The following CCSER1 variants were observed in gnomAD, a reference collection of about 807,000 sequenced individuals.
CCSER1 encodes the protein serine-rich coiled-coil domain-containing protein 1.
A neutral mutation model predicts 82.0 loss-of-function variants in CCSER1; 41 were observed. The ratio of observed to expected loss-of-function variants is 0.50; its 90% CI spans 0.39 to 0.65. CCSER1 has a LOEUF of 0.65. Ranked by LOEUF, CCSER1 falls within the 30% of genes least tolerant of loss-of-function variation. CCSER1 has a pLI of 0.00. For synonymous variants in CCSER1, 414 were observed against 383.9 expected (o/e 1.08, Z -0.92); for missense variants, 1,119 against 1,064.2 (o/e 1.05, Z -0.72).
chr4:91,432,234 T>C (rs1336600788), intron 10 of CCSER1, among the ~76,000 whole-genome samples: 1 of 152,174 alleles, frequency 6.6e-6, no homozygotes, highest in African/African-American at 2.4e-5. Context: ...TTAAACCTCT[T>C]TTCTCTATAG....
chr4:91,538,445 A>G (rs1037119677), intron 10 of CCSER1, among the ~76,000 whole-genome samples: 1 of 151,598 alleles, frequency 6.6e-6, no homozygotes, highest in African/African-American at 2.4e-5. Context: ...CAAAAAAATA[A>G]AAAACAGCAT....
At chr4:90,355,895 T>G (rs1744296411) in intron 3 of CCSER1, among the ~76,000 whole-genome samples, 1 of 151,912 alleles carries the variant, frequency 6.6e-6, no homozygotes. Flanking sequence ...ATATAAATTA[T>G]CCCCTTGCCA....
chr4:91,177,213 C>T (rs887030879), intron 10 of CCSER1, among the ~76,000 whole-genome samples: 27 of 152,236 alleles, frequency 1.8e-4, no homozygotes, highest in African/African-American at 5.1e-4. Flanking sequence ...CTGCTGGATT[C>T]GGTTTGCCAG....
intron 10 of CCSER1, among the ~76,000 whole-genome samples, chr4:91,440,731 A>C (rs965284247): frequency 6.6e-5 from 10 of 152,212 alleles, no homozygotes; most frequent in African/African-American, 2.4e-4. Flanking sequence ...AGCAAGACTA[A>C]TAAAGAAGAA....
chr4:91,516,079 A>G (rs901655477), intron 10 of CCSER1, among the ~76,000 whole-genome samples: 2 of 151,902 alleles, frequency 1.3e-5, no homozygotes. Context: ...TTGTAAATTT[A>G]TATATATTCC....
At chr4:91,406,352 T>C (rs1391894257) in intron 10 of CCSER1, among the ~76,000 whole-genome samples, 1 of 152,338 alleles carries the variant, frequency 6.6e-6, no homozygotes, top group East Asian at 1.9e-4. Flanking sequence ...AAGCTTATAC[T>C]GTTTCCAGTA....
At chr4:90,293,597 TAAAA>T (rs965430347) in intron 1 of CCSER1, among the ~76,000 whole-genome samples, 25 of 150,530 alleles carry the variant, frequency 1.7e-4, no homozygotes, top group African/African-American at 5.8e-4. Flanking sequence ...TTTTATAAAA[TAAAA>T]AAAGAAAATA....
chr4:90,902,335 A>G (rs963309410), intron 8 of CCSER1, among the ~76,000 whole-genome samples: 2 of 152,034 alleles, frequency 1.3e-5, no homozygotes, highest in Non-Finnish European at 2.9e-5. Context: ...GATAGCTAGT[A>G]TGATCCTTTG....
At chr4:91,159,737 T>G (rs1488051099) in intron 10 of CCSER1, among the ~76,000 whole-genome samples, 1 of 151,936 alleles carries the variant, frequency 6.6e-6, no homozygotes, top group East Asian at 1.9e-4. Context: ...TGTGTGAATA[T>G]AAACAGAATT....
intron 6 of CCSER1, among the ~76,000 whole-genome samples, chr4:90,721,770 T>C (rs1038842239): frequency 6.6e-5 from 10 of 151,566 alleles, no homozygotes; most frequent in African/African-American, 2.4e-4. Context: ...TACAGATCAC[T>C]GAAAAGCAAA....
chr4:90,192,637 C>T (rs1212257111), intron 1 of CCSER1, among the ~76,000 whole-genome samples: 1 of 151,968 alleles, frequency 6.6e-6, no homozygotes. Flanking sequence ...TGTAAAGCAC[C>T]TAGTGCATCG....
chr4:91,517,914 T>C (rs770249710), intron 10 of CCSER1, among the ~76,000 whole-genome samples: 18 of 151,926 alleles, frequency 1.2e-4, no homozygotes, highest in Non-Finnish European at 2.2e-4. Flanking sequence ...GGGGGTATGA[T>C]AGCAAAACAT....
chr4:91,459,524 T>C (rs1394664221), intron 10 of CCSER1, among the ~76,000 whole-genome samples: 1 of 152,140 alleles, frequency 6.6e-6, no homozygotes, highest in African/African-American at 2.4e-5. Flanking sequence ...AGCTGTGATA[T>C]ACGTGGCTCT....
At chr4:91,060,419 G>A (rs1165083357) in intron 9 of CCSER1, among the ~76,000 whole-genome samples, 1 of 151,936 alleles carries the variant, frequency 6.6e-6, no homozygotes, top group Non-Finnish European at 1.5e-5. Context: ...AATTTAATGA[G>A]CAATATAAAT....
chr4:90,963,813 A>C (rs1011992204), intron 9 of CCSER1, among the ~76,000 whole-genome samples: 5 of 152,238 alleles, frequency 3.3e-5, no homozygotes, highest in South Asian at 2.1e-4. Context: ...TTAGCAAACT[A>C]ACGTATTGCC....
intron 8 of CCSER1, among the ~76,000 whole-genome samples, chr4:90,881,095 T>C (rs1721243886): frequency 6.6e-6 from 1 of 152,012 alleles, no homozygotes; most frequent in South Asian, 2.1e-4. Context: ...TAAGTATGAT[T>C]TCTTATATGA....
intron 7 of CCSER1, among the ~76,000 whole-genome samples, chr4:90,738,087 A>G (rs1249615127): frequency 6.6e-6 from 1 of 152,160 alleles, no homozygotes; most frequent in African/African-American, 2.4e-5. Context: ...TCTCTTCAGC[A>G]TTGGCCACTG....
chr4:90,754,377 A>G (rs1316558193), intron 7 of CCSER1, among the ~76,000 whole-genome samples: 1 of 152,210 alleles, frequency 6.6e-6, no homozygotes, highest in Non-Finnish European at 1.5e-5. Flanking sequence ...ATATATATCT[A>G]TGCAGAGAGG....
intron 5 of CCSER1, among the ~76,000 whole-genome samples, chr4:90,565,219 G>T (rs937678636): frequency 1.6e-4 from 24 of 151,472 alleles, no homozygotes; most frequent in African/African-American, 5.1e-4. Context: ...TAAATTTTAA[G>T]TGTACAGATA....
Sources: gnomAD v4.1 joint callset for allele counts (sites outside exome capture counted in the v4.1 genomes callset) on GRCh38, gnomAD v4.1.1 for gene constraint, MANE v1.5 for transcripts, NCBI Gene and HGNC (gene_info 2026-07-23, HGNC 2026-07-21) for gene names.